The following STPG1 variants were observed in gnomAD, a reference collection of about 807,000 sequenced individuals.
STPG1 encodes the protein sperm tail PG-rich repeat containing 1.
Under a neutral mutation model 40.1 loss-of-function variants are expected in STPG1, and 33 were observed. The observed-to-expected ratio is 0.82, with a 90% CI of 0.62 to 1.10. STPG1 has a LOEUF of 1.10. STPG1 is among the 50% of genes least tolerant of loss of function. The probability of loss-of-function intolerance (pLI) is 0.00; values close to 1 mark genes in which losing one functional copy is unlikely to be tolerated. For missense variants in STPG1, 396 were observed against 415.1 expected (o/e 0.95, Z 0.40); for synonymous variants, 150 against 155.0 (o/e 0.97, Z 0.24).
rs549068856 is a variant in STPG1, at chr1:24,359,621, G to A, written c.929-1002C>T. ...TCTCCCCACCTGACTGTGGCCTCTG[G>A]GGGCAAACCTGGGGCCCAGGTCATC... On this transcript the variant is annotated intron_variant, in intron 8 of 8. Coordinates refer to ENST00000337248, the MANE Select transcript of STPG1 (RefSeq NM_001199013.2). The surrounding 1 kb of genome is among the most constrained non-coding windows in gnomAD (Gnocchi z 5.3). Among the ~76,000 whole-genome samples the A allele has an allele frequency of 2.6e-5, 4 of 152,278 alleles. No homozygotes were observed. Among genetic ancestry groups the A allele is most frequent in the South Asian group, 4.1e-4 (2 of 4,826 alleles).
intron 7 of STPG1, among the ~76,000 whole-genome samples, chr1:24,363,103 T>C (rs1178093222): frequency 6.6e-6 from 1 of 152,212 alleles, no homozygotes; most frequent in African/African-American, 2.4e-5. Context: ...ATCACTGGTC[T>C]GGGTCACTCC....
At chr1:24,385,672 C>T (rs563423509) in intron 3 of STPG1, among the ~76,000 whole-genome samples, 2 of 152,106 alleles carry the variant, frequency 1.3e-5, no homozygotes, top group East Asian at 1.9e-4. Flanking sequence ...GAGCCAGAAC[C>T]GAGGCATTCT....
intron 7 of STPG1, among the ~76,000 whole-genome samples, chr1:24,366,185 C>T (rs1005798634): frequency 6.6e-6 from 1 of 152,194 alleles, no homozygotes; most frequent in South Asian, 2.1e-4. Flanking sequence ...GGCAGGTCTC[C>T]CCCTGCATGG....
chr1:24,388,934 T>A (rs912578747), intron 3 of STPG1, among the ~76,000 whole-genome samples: 2 of 152,194 alleles, frequency 1.3e-5, no homozygotes, highest in African/African-American at 4.8e-5. Context: ...AGTGACTGGT[T>A]TAAAGGCACA....
chr1:24,406,083 G>T (rs1422346440), intron 1 of STPG1, among the ~76,000 whole-genome samples: 1 of 151,546 alleles, frequency 6.6e-6, no homozygotes, highest in Non-Finnish European at 1.5e-5. Context: ...CACTTGATAT[G>T]GCTGGGCTTA....
At chr1:24,387,436 C>G (rs1471200781) in intron 3 of STPG1, among the ~76,000 whole-genome samples, 1 of 152,100 alleles carries the variant, frequency 6.6e-6, no homozygotes, top group Non-Finnish European at 1.5e-5. Context: ...GGAGGTAAGA[C>G]AGCACACACA....
chr1:24,363,171 C>G lies in STPG1; in HGVS notation c.738-2130G>C, dbSNP rs115584799. Among the ~76,000 whole-genome samples the G allele has an allele frequency of 5.4e-3, 823 of 152,318 alleles. 7 individuals are homozygous for G. The highest frequency in any genetic ancestry group is 0.017 in the African/African-American group (694 of 41,568). On this transcript the variant is annotated intron_variant, in intron 7 of 8. Coordinates refer to ENST00000337248, the MANE Select transcript of STPG1 (RefSeq NM_001199013.2). Reference sequence around the variant, plus strand: ...AACCATGAGGTGTCTGCTTTCTTAGCCAAGGACAGCCTGCAGAAGGCTGGA... The same window carrying G: ...AACCATGAGGTGTCTGCTTTCTTAGGCAAGGACAGCCTGCAGAAGGCTGGA...
chr1:24,366,664 C>A (rs946428329), intron 7 of STPG1, among the ~76,000 whole-genome samples: 2 of 152,158 alleles, frequency 1.3e-5, no homozygotes, highest in African/African-American at 2.4e-5. Context: ...CGTTCGTTGT[C>A]CCCTGTGTGC....
At chr1:24,387,145 G>C (rs932812610) in intron 3 of STPG1, among the ~76,000 whole-genome samples, 6 of 152,224 alleles carry the variant, frequency 3.9e-5, no homozygotes, top group African/African-American at 1.4e-4. Flanking sequence ...GCGTGGGATG[G>C]GGGCAAAAAT....
At position 24,360,917 on chromosome 1, in the gene STPG1, C is replaced by T. The variant is rs769337400; in HGVS notation, c.862G>A (p.Ala288Thr). The T allele has an allele frequency of 1.2e-6, 2 of 1,613,950 alleles. No individual in the cohort carries two copies. The highest frequency in any genetic ancestry group is 3.3e-5 in the Admixed American group (2 of 59,996). ...LGPRKHFISS[A>T]SFVSNTSRWT... The stretch of plus-strand genomic sequence containing the variant: ...CGGCTGGTATTGGACACGAATGATG[C>T]ACTAGAGATGAAATGCTTGCGGGGG... The change falls in exon 8 of 9, where the codon GCA becomes ACA. Residue 288 changes from alanine to threonine, a missense_variant. Transcript: ENST00000337248.
intron 2 of STPG1, among the ~76,000 whole-genome samples, chr1:24,393,222 TG>T (rs1433446343): frequency 6.6e-6 from 1 of 152,212 alleles, no homozygotes; most frequent in Non-Finnish European, 1.5e-5. Context: ...ATAAACACGA[TG>T]GGGAGAGGGA....
Position 24,358,333 on chromosome 1 carries a change from G to C in STPG1, c.*210C>G. 1.4e-6 allele frequency: 1 copy of C among 690,532 alleles called. No individual in the cohort carries two copies. Among genetic ancestry groups the C allele is most frequent in the South Asian group, 1.5e-5 (1 of 66,650 alleles). The allele number at this position is 690,532 out of a possible 1,614,324, so 42.8% of individuals were successfully genotyped here. ...TCAGGAAGCCACTGGAGTCTGTGGG[G>C]CTGGGGTGAAGTCTCCAGGGAGCAA... On this transcript the variant is annotated 3_prime_UTR_variant, in exon 9 of 9. Coordinates refer to ENST00000337248, the MANE Select transcript of STPG1 (RefSeq NM_001199013.2).
intron 2 of STPG1, among the ~76,000 whole-genome samples, chr1:24,397,673 T>G (rs1378489068): frequency 6.6e-6 from 1 of 150,840 alleles, no homozygotes; most frequent in Admixed American, 6.6e-5. Context: ...CATACGAGTA[T>G]CTCAACAGAT....
intron 4 of STPG1, among the ~76,000 whole-genome samples, chr1:24,381,104 AG>A (rs1642263127): frequency 6.6e-6 from 1 of 152,120 alleles, no homozygotes; most frequent in African/African-American, 2.4e-5. Context: ...CAGCTAATTC[AG>A]GCGGAGGACC....
chr1:24,373,236 A>G (rs1034239065), intron 6 of STPG1, among the ~76,000 whole-genome samples: 2 of 152,214 alleles, frequency 1.3e-5, no homozygotes, highest in Admixed American at 1.3e-4. Context: ...TGCTCCGGAA[A>G]CAGAGCTGCC....
intron 5 of STPG1, chr1:24,379,368 G>A (rs910015499): frequency 3.1e-6 from 1 of 323,568 alleles, no homozygotes; most frequent in East Asian, 5.9e-5. Context: ...AGAAAACTAC[G>A]TCCCAGAAAG....
chr1:24,388,276 G>C (rs1446845132), intron 3 of STPG1, among the ~76,000 whole-genome samples: 2 of 152,210 alleles, frequency 1.3e-5, no homozygotes, highest in Non-Finnish European at 2.9e-5. Context: ...GGGTGAAGTG[G>C]AGACAGAAAC....
Position 24,374,877 on chromosome 1 carries a change from C to T in STPG1, c.463-1067G>A, listed in dbSNP as rs895412849. Among the ~76,000 whole-genome samples the T allele has an allele frequency of 5.9e-5, 9 of 152,160 alleles. No individual in the cohort carries two copies. The East Asian group carries it at 7.7e-4, about 13-fold the overall frequency. On this transcript the variant is annotated intron_variant, in intron 5 of 8. Coordinates refer to ENST00000337248, the MANE Select transcript of STPG1 (RefSeq NM_001199013.2). ...CTAGACTCAAATGATCTGCCCACCT[C>T]GGCCTCCCAAAGTGTTGGGATTACA...
chr1:24,395,716 G>T (rs548527135), intron 2 of STPG1, among the ~76,000 whole-genome samples: 2 of 152,256 alleles, frequency 1.3e-5, no homozygotes, highest in South Asian at 4.1e-4. Flanking sequence ...ACAGGCATGA[G>T]CCACCAAACC....
Sources: allele counts gnomAD v4.1 joint callset (sites outside exome capture counted in the v4.1 genomes callset), GRCh38; gene constraint gnomAD v4.1.1; non-coding constraint Gnocchi (gnomAD v3.1); transcripts MANE v1.5; gene names NCBI Gene and HGNC (gene_info 2026-07-23, HGNC 2026-07-21).